Variants in MAGI2 observed in about 807,000 individuals in gnomAD.
The protein encoded by MAGI2 is membrane-associated guanylate kinase, WW and PDZ domain-containing protein 2.
MAGI2 carries 35 observed loss-of-function variants against 133.3 expected under a neutral mutation model. The ratio of observed to expected loss-of-function variants is 0.26; its 90% CI spans 0.20 to 0.35. The LOEUF (loss-of-function observed/expected upper bound fraction) is 0.35, where lower values mean the gene tolerates loss of function less well. Ranked by LOEUF, MAGI2 falls within the 10% of genes least tolerant of loss-of-function variation. The pLI is 1.00. For missense variants in MAGI2, 1,636 were observed against 1,863.4 expected (o/e 0.88, Z 2.25); for synonymous variants, 729 against 710.6 (o/e 1.03, Z -0.41).
intron 5 of MAGI2, among the ~76,000 whole-genome samples, chr7:78,496,299 C>G (rs1794078940): frequency 1.3e-5 from 2 of 152,188 alleles, no homozygotes; most frequent in Admixed American, 1.3e-4. Flanking sequence ...ATTTAAAAAT[C>G]TGTCATTTAA....
At chr7:78,049,084 C>T (rs181180188) in intron 21 of MAGI2, among the ~76,000 whole-genome samples, 23 of 144,824 alleles carry the variant, frequency 1.6e-4, no homozygotes, top group African/African-American at 1.8e-4. Flanking sequence ...CTCCAGCCTG[C>T]GCAACAGAGT....
intron 1 of MAGI2, among the ~76,000 whole-genome samples, chr7:79,363,554 A>T (rs1842498445): frequency 6.6e-6 from 1 of 151,514 alleles, no homozygotes; most frequent in Non-Finnish European, 1.5e-5. Context: ...TTAAAAATCA[A>T]CTCAAAATGC....
chr7:78,997,795 T>G (rs1321697741), intron 2 of MAGI2, among the ~76,000 whole-genome samples: 3 of 152,140 alleles, frequency 2.0e-5, no homozygotes, highest in African/African-American at 7.2e-5. Context: ...CTATATCTAT[T>G]TGGGCTTCCA....
At chr7:79,418,859 A>G (rs868311945) in intron 1 of MAGI2, among the ~76,000 whole-genome samples, 18 of 122,502 alleles carry the variant, frequency 1.5e-4, no homozygotes, top group East Asian at 4.8e-4. Context: ...ACACACACAC[A>G]CACACACACG....
chr7:78,590,094 T>C (rs368119828), intron 3 of MAGI2, among the ~76,000 whole-genome samples: 1 of 152,216 alleles, frequency 6.6e-6, no homozygotes. Flanking sequence ...GTTGAAATTA[T>C]ATTTTTCTTT....
At chr7:79,215,552 C>A (rs1031842594) in intron 1 of MAGI2, among the ~76,000 whole-genome samples, 1 of 151,960 alleles carries the variant, frequency 6.6e-6, no homozygotes, top group Non-Finnish European at 1.5e-5. Flanking sequence ...TCTATTGATT[C>A]CAGGTCTTTA....
chr7:78,360,198 T>C (rs1204667909), intron 7 of MAGI2, among the ~76,000 whole-genome samples: 2 of 152,194 alleles, frequency 1.3e-5, no homozygotes, highest in Admixed American at 1.3e-4. Context: ...ACCTTTAACA[T>C]TGTCGGCATC....
intron 3 of MAGI2, among the ~76,000 whole-genome samples, chr7:78,604,925 C>A (rs1805639277): frequency 6.6e-6 from 1 of 151,944 alleles, no homozygotes; most frequent in Non-Finnish European, 1.5e-5. Context: ...TTGTGTAATA[C>A]CCCCATACAT....
At chr7:78,739,878 G>A (rs1035606756) in intron 2 of MAGI2, among the ~76,000 whole-genome samples, 2 of 152,242 alleles carry the variant, frequency 1.3e-5, no homozygotes, top group East Asian at 1.9e-4. Context: ...TGATAACCTG[G>A]CCAGGCGCGG....
At chr7:79,265,567 C>T (rs1185660194) in intron 1 of MAGI2, among the ~76,000 whole-genome samples, 1 of 151,942 alleles carries the variant, frequency 6.6e-6, no homozygotes, top group African/African-American at 2.4e-5. Flanking sequence ...AGTGTACGTG[C>T]TTATATAAAT....
chr7:78,164,274 T>C (rs961019095), intron 15 of MAGI2, among the ~76,000 whole-genome samples: 1 of 152,150 alleles, frequency 6.6e-6, no homozygotes, highest in Admixed American at 6.5e-5. Flanking sequence ...AGGACTGTCT[T>C]TGGAAGGATG....
intron 1 of MAGI2, among the ~76,000 whole-genome samples, chr7:79,441,444 G>T (rs1469047057): frequency 6.6e-6 from 1 of 152,088 alleles, no homozygotes; most frequent in Non-Finnish European, 1.5e-5. Flanking sequence ...AGGGAGATTT[G>T]GGATAAGAAT....
chr7:78,676,706 A>C (rs1403157883), intron 2 of MAGI2, among the ~76,000 whole-genome samples: 2 of 152,100 alleles, frequency 1.3e-5, no homozygotes, highest in Non-Finnish European at 2.9e-5. Flanking sequence ...AAATAATCTT[A>C]TTACATTATG....
intron 3 of MAGI2, among the ~76,000 whole-genome samples, chr7:78,569,148 G>A (rs575410612): frequency 4.1e-5 from 5 of 122,504 alleles, no homozygotes; most frequent in African/African-American, 1.1e-4. Context: ...ACACACACAC[G>A]TCACTATTCC....
intron 3 of MAGI2, among the ~76,000 whole-genome samples, chr7:78,572,068 T>C (rs952104533): frequency 6.6e-6 from 1 of 152,158 alleles, no homozygotes; most frequent in Non-Finnish European, 1.5e-5. Flanking sequence ...TGGTTTCTAA[T>C]ACAACAAATT....
chr7:78,297,940 C>T (rs376728555), intron 9 of MAGI2, among the ~76,000 whole-genome samples: 16 of 148,268 alleles, frequency 1.1e-4, no homozygotes, highest in African/African-American at 3.5e-4. Context: ...ACATATGTAA[C>T]TAACCTGCAC....
chr7:78,395,352 A>G (rs1796246863), intron 6 of MAGI2, among the ~76,000 whole-genome samples: 1 of 152,224 alleles, frequency 6.6e-6, no homozygotes, highest in Non-Finnish European at 1.5e-5. Flanking sequence ...CAAATGTTCA[A>G]AAGTGTAGAG....
intron 2 of MAGI2, among the ~76,000 whole-genome samples, chr7:78,896,427 C>T (rs1344740204): frequency 6.6e-6 from 1 of 151,588 alleles, no homozygotes; most frequent in Non-Finnish European, 1.5e-5. Context: ...TAAAGCTCCT[C>T]ATTGTAAAAT....
chr7:78,623,587 T>C lies in MAGI2; in HGVS notation c.538+3533A>G, dbSNP rs551990233. On this transcript the variant is annotated intron_variant, in intron 3 of 21. Transcript: ENST00000354212. ...GCACTAATGCATAAAACTGTTTCCT[T>C]TTCCTGGGTATTTTTGCCTATTTCC... 2.2e-4 allele frequency among the ~76,000 whole-genome samples: 33 copies of C among 152,240 alleles called. 1 individual carries two copies. In the South Asian group the frequency reaches 6.6e-3, roughly 31 times the overall value.
Sources: gnomAD v4.1 joint callset for allele counts (sites outside exome capture counted in the v4.1 genomes callset) on GRCh38, gnomAD v4.1.1 for gene constraint, MANE v1.5 for transcripts, NCBI Gene and HGNC (gene_info 2026-07-23, HGNC 2026-07-21) for gene names.